The following C2CD5 variants were observed in gnomAD, a reference collection of about 807,000 sequenced individuals.
The protein encoded by C2CD5 is C2 domain-containing protein 5.
Under a neutral mutation model 130.3 loss-of-function variants are expected in C2CD5, and 109 were observed. The observed-to-expected ratio is 0.84, with a 90% CI of 0.72 to 0.98. The LOEUF (loss-of-function observed/expected upper bound fraction) is 0.98. Ranked by LOEUF, C2CD5 falls within the 50% of genes least tolerant of loss-of-function variation. The pLI is 0.00. For synonymous variants in C2CD5, 454 were observed against 429.2 expected (o/e 1.06, Z -0.71); for missense variants, 996 against 1,261.8 (o/e 0.79, Z 3.19).
chr12:22,497,283 C>A (rs1947140802), intron 10 of C2CD5, among the ~76,000 whole-genome samples: 1 of 151,836 alleles, frequency 6.6e-6, no homozygotes, highest in Non-Finnish European at 1.5e-5. Context: ...AAACAGCTAC[C>A]CGAGAGAACT....
intron 10 of C2CD5, chr12:22,502,655 C>T: frequency 5.7e-6 from 4 of 706,844 alleles, no homozygotes; most frequent in Non-Finnish European, 9.7e-6. Context: ...CTTAAACCTA[C>T]TTCATCTAGA....
intron 23 of C2CD5, 48 bp from the exon 24 acceptor site, chr12:22,458,633 T>A (rs1426078729): frequency 1.2e-5 from 9 of 775,480 alleles, no homozygotes; most frequent in African/African-American, 7.2e-5. Flanking sequence ...GAAAAAAATA[T>A]GGATGATGTC....
chr12:22,513,384 A>T lies in C2CD5; in HGVS notation c.953-5T>A, dbSNP rs566551544. 1 of 1,593,532 alleles carries T rather than the reference A, an allele frequency of 6.3e-7. No individual in the cohort carries two copies. Among genetic ancestry groups the T allele is most frequent in the South Asian group, 1.1e-5 (1 of 90,654 alleles). On this transcript the variant is annotated splice_polypyrimidine_tract_variant and splice_region_variant and intron_variant, in intron 8 of 26. Coordinates refer to ENST00000446597, the MANE Select transcript of C2CD5 (RefSeq NM_001286176.2). ...CAGCACTACCACTTCCCATTCCTAC[A>T]GAACATCAGTACATAAATAACAACC...
chr12:22,471,889 A>T, intron 19 of C2CD5, 78 bp downstream of exon 19: 1 of 815,964 alleles, frequency 1.2e-6, no homozygotes, highest in Non-Finnish European at 2.2e-6. Flanking sequence ...AAGGTATTAC[A>T]GACAATACAG....
chr12:22,478,011 TCACA>T lies in C2CD5; in HGVS notation c.1902+298_1902+301del, dbSNP rs543658384. 6.9e-3 allele frequency: 1,966 copies of T among 283,834 alleles called. 24 individuals are homozygous for T. Among genetic ancestry groups the T allele is most frequent in the African/African-American group, 0.036 (1,580 of 43,924 alleles). The allele number at this position is 283,834 out of a possible 1,614,324, so 17.6% of individuals were successfully genotyped here. A position where few individuals can be genotyped will look rare whatever the true frequency, so the allele number is the denominator to read the frequency against. On this transcript the variant is annotated intron_variant, in intron 15 of 26. Transcript: ENST00000446597. ...CAAAAGACCAACAAAACACACACAC[TCACA>T]CACACACACACACTCACACACACAC... is the stretch of plus-strand genomic sequence containing the variant.
intron 22 of C2CD5, among the ~76,000 whole-genome samples, chr12:22,463,163 G>C (rs1941484229): frequency 6.6e-6 from 1 of 152,046 alleles, no homozygotes; most frequent in Non-Finnish European, 1.5e-5. Flanking sequence ...AAGGCAGGCG[G>C]ATCACTTGAG....
At chr12:22,476,257 T>A (rs1481433807) in intron 15 of C2CD5, among the ~76,000 whole-genome samples, 2 of 152,130 alleles carry the variant, frequency 1.3e-5, no homozygotes, top group Admixed American at 1.3e-4. Flanking sequence ...AACACTCTGA[T>A]CTACATATTC....
At chr12:22,473,099 T>C (rs78704903) in intron 16 of C2CD5, among the ~76,000 whole-genome samples, 3,512 of 152,278 alleles carry the variant, frequency 0.023, 44 homozygotes, top group South Asian at 0.053. Flanking sequence ...GCAATCATTA[T>C]TCTAATTTGT....
chr12:22,540,873 G>C (rs550089487), intron 2 of C2CD5, among the ~76,000 whole-genome samples: 23 of 152,030 alleles, frequency 1.5e-4, no homozygotes, highest in Non-Finnish European at 3.4e-4. Flanking sequence ...AAATAATAAT[G>C]ATAACAACAA....
At chr12:22,487,932 C>T (rs1945763487) in intron 12 of C2CD5, among the ~76,000 whole-genome samples, 1 of 151,670 alleles carries the variant, frequency 6.6e-6, no homozygotes, top group Non-Finnish European at 1.5e-5. Context: ...AACCATCATT[C>T]TCAGCAAACT....
intron 4 of C2CD5, 115 bp from the exon 5 acceptor site, chr12:22,525,820 T>C: frequency 1.5e-6 from 1 of 665,860 alleles, no homozygotes; most frequent in South Asian, 1.8e-5. Context: ...TAACTCACAA[T>C]TTTTTGAACT....
intron 26 of C2CD5, among the ~76,000 whole-genome samples, chr12:22,452,449 C>G (rs974037773): frequency 5.3e-5 from 8 of 152,210 alleles, no homozygotes; most frequent in Middle Eastern, 3.4e-3. Context: ...ATCTCCTTCA[C>G]GCCAAATCTT....
chr12:22,512,710 A>AAG (rs536379091), intron 9 of C2CD5: 70 of 1,432,434 alleles, frequency 4.9e-5, no homozygotes, highest in South Asian at 1.5e-4. Flanking sequence ...AAAAAAAAAA[A>AAG]AGAGAGAGAG....
chr12:22,456,201 T>C (rs1165655371), intron 25 of C2CD5, among the ~76,000 whole-genome samples: 1 of 152,184 alleles, frequency 6.6e-6, no homozygotes, highest in Non-Finnish European at 1.5e-5. Flanking sequence ...GTCATCTTTA[T>C]AATGAATATA....
intron 20 of C2CD5, among the ~76,000 whole-genome samples, chr12:22,471,158 C>A (rs1463538793): frequency 6.6e-6 from 1 of 151,920 alleles, no homozygotes; most frequent in Non-Finnish European, 1.5e-5. Context: ...TGGTGAAATC[C>A]CACATGATGG....
At chr12:22,490,888 G>T (rs1946259493) in intron 11 of C2CD5, among the ~76,000 whole-genome samples, 2 of 152,146 alleles carry the variant, frequency 1.3e-5, no homozygotes. Context: ...GGGATGAACT[G>T]CTGAAAACCA....
At chr12:22,521,041 T>A (rs1036296515) in intron 7 of C2CD5, among the ~76,000 whole-genome samples, 1 of 152,140 alleles carries the variant, frequency 6.6e-6, no homozygotes, top group African/African-American at 2.4e-5. Context: ...CCTGTGGTAT[T>A]TATAATATTA....
rs563200546 is a variant in C2CD5 at position 22,464,808 on chromosome 12, T to A, written c.2533+4901A>T. Among the ~76,000 whole-genome samples, 6 of 152,302 alleles carry A rather than the reference T, an allele frequency of 3.9e-5. No homozygotes were observed. In the East Asian group the frequency reaches 1.2e-3, roughly 29 times the overall value. ...GGACTATTAATATATAAAATGCTTT[T>A]AATTAGTATAAGGAATTATATATAG... On this transcript the variant is annotated intron_variant, in intron 22 of 26. Transcript: ENST00000446597.
chr12:22,523,698 GT>G, intron 6 of C2CD5, 74 bp from the exon 7 acceptor site: 1 of 908,266 alleles, frequency 1.1e-6, no homozygotes. Flanking sequence ...CATGGTAGTG[GT>G]AAAAAAAAAA....
Sources: allele counts gnomAD v4.1 joint callset (sites outside exome capture counted in the v4.1 genomes callset), GRCh38; gene constraint gnomAD v4.1.1; transcripts MANE v1.5; gene names NCBI Gene and HGNC (gene_info 2026-07-23, HGNC 2026-07-21).